Variants in ITFG1 observed in about 807,000 individuals in gnomAD.
ITFG1 encodes integrin alpha FG-GAP repeat containing 1.
ITFG1 carries 34 observed loss-of-function variants against 81.8 expected under a neutral mutation model. The observed-to-expected ratio is 0.42, with a 90% CI of 0.32 to 0.55. The LOEUF (loss-of-function observed/expected upper bound fraction) is 0.55, where lower values mean the gene tolerates loss of function less well. Among genes scored for constraint, ITFG1 ranks in the 20% least tolerant of loss-of-function variants. The pLI, the probability that ITFG1 is intolerant of heterozygous loss-of-function variation, is 0.17. For synonymous variants in ITFG1, 285 were observed against 270.6 expected, an observed-to-expected ratio of 1.05 and a Z score of -0.52; for missense variants, 672 against 755.4, an observed-to-expected ratio of 0.89 and a Z score of 1.29.
At chr16:47,238,250 TA>T in intron 12 of ITFG1, 1 of 316,750 alleles carries the variant, frequency 3.2e-6, no homozygotes, top group African/African-American at 2.2e-5. Context: ...TGAGATAAAT[TA>T]TGATTATATC....
At chr16:47,361,463 A>C (rs1449768206) in intron 8 of ITFG1, among the ~76,000 whole-genome samples, 1 of 152,184 alleles carries the variant, frequency 6.6e-6, no homozygotes, top group East Asian at 1.9e-4. Context: ...AGAATTTGAT[A>C]TTCAGAGCCT....
chr16:47,155,826 GA>G (rs750979958), intron 17 of ITFG1, 48 bp from the exon 18 acceptor site: 4 of 1,322,850 alleles, frequency 3.0e-6, no homozygotes, highest in Non-Finnish European at 4.3e-6. Flanking sequence ...AAGATGTTAT[GA>G]AAAGACTCAT....
chr16:47,372,421 A>T (rs1968268275), intron 7 of ITFG1, among the ~76,000 whole-genome samples: 1 of 151,228 alleles, frequency 6.6e-6, no homozygotes. Flanking sequence ...TCCTGCCCAA[A>T]ATTAGTTACT....
At chr16:47,357,721 G>T (rs1477501183) in intron 8 of ITFG1, among the ~76,000 whole-genome samples, 1 of 151,858 alleles carries the variant, frequency 6.6e-6, no homozygotes, top group Non-Finnish European at 1.5e-5. Flanking sequence ...AGAAAGGCAT[G>T]AATTTATTAT....
At chr16:47,222,762 G>C (rs1175445080) in intron 13 of ITFG1, among the ~76,000 whole-genome samples, 1 of 152,206 alleles carries the variant, frequency 6.6e-6, no homozygotes, top group East Asian at 1.9e-4. Context: ...ACTGTGGTCT[G>C]AGAGATAAGT....
At chr16:47,385,390 G>A (rs1187879863) in intron 6 of ITFG1, among the ~76,000 whole-genome samples, 1 of 152,198 alleles carries the variant, frequency 6.6e-6, no homozygotes, top group African/African-American at 2.4e-5. Flanking sequence ...TACACAATCT[G>A]AAGTTGGTAA....
intron 8 of ITFG1, among the ~76,000 whole-genome samples, chr16:47,343,010 G>A (rs1967804969): frequency 1.3e-5 from 2 of 152,074 alleles, no homozygotes; most frequent in Admixed American, 6.5e-5. Flanking sequence ...AAATTCATGT[G>A]GAATTGCAGG....
chr16:47,304,990 C>T (rs1276290479), intron 10 of ITFG1, among the ~76,000 whole-genome samples: 2 of 152,144 alleles, frequency 1.3e-5, no homozygotes, highest in East Asian at 3.8e-4. Context: ...GATGATTCAA[C>T]AGCTAAAAAG....
At chr16:47,267,156 G>C (rs902230050) in intron 10 of ITFG1, among the ~76,000 whole-genome samples, 77 of 152,254 alleles carry the variant, frequency 5.1e-4, no homozygotes, top group African/African-American at 1.8e-3. Flanking sequence ...CCATTGAACT[G>C]TATACTTTAA....
chr16:47,224,895 A>G (rs1965739570), intron 13 of ITFG1, among the ~76,000 whole-genome samples: 1 of 152,156 alleles, frequency 6.6e-6, no homozygotes, highest in South Asian at 2.1e-4. Context: ...GCTACTCAGG[A>G]GGCTGAGGTG....
chr16:47,326,397 C>T (rs990768420), intron 8 of ITFG1, among the ~76,000 whole-genome samples: 3 of 152,134 alleles, frequency 2.0e-5, no homozygotes, highest in Non-Finnish European at 4.4e-5. Flanking sequence ...GGAAGCATTC[C>T]CTTTGAAAAC....
At chr16:47,272,763 T>C (rs899906995) in intron 10 of ITFG1, among the ~76,000 whole-genome samples, 1 of 151,990 alleles carries the variant, frequency 6.6e-6, no homozygotes, top group Non-Finnish European at 1.5e-5. Flanking sequence ...GTGTGAATTA[T>C]ATCTCAACAA....
chr16:47,345,806 A>T (rs1244777052), intron 8 of ITFG1, among the ~76,000 whole-genome samples: 3 of 152,200 alleles, frequency 2.0e-5, no homozygotes, highest in Non-Finnish European at 4.4e-5. Context: ...TGGGACTACC[A>T]TTGTATATGC....
chr16:47,276,466 T>C (rs1966400408), intron 10 of ITFG1, among the ~76,000 whole-genome samples: 1 of 152,146 alleles, frequency 6.6e-6, no homozygotes, highest in Non-Finnish European at 1.5e-5. Context: ...TTAAATAAAA[T>C]GTAATCAAAT....
At chr16:47,304,393 G>C (rs1029307011) in intron 10 of ITFG1, among the ~76,000 whole-genome samples, 3 of 152,200 alleles carry the variant, frequency 2.0e-5, no homozygotes, top group South Asian at 2.1e-4. Context: ...AAAGGAAACA[G>C]AAGTATAAGT....
chr16:47,244,655 A>G (rs922033901), intron 12 of ITFG1, among the ~76,000 whole-genome samples: 2 of 118,970 alleles, frequency 1.7e-5, no homozygotes, highest in Non-Finnish European at 3.5e-5. Flanking sequence ...GTGTGTATTT[A>G]CCCCTCTGTA....
chr16:47,331,883 C>G (rs1381988923), intron 8 of ITFG1, among the ~76,000 whole-genome samples: 1 of 152,142 alleles, frequency 6.6e-6, no homozygotes, highest in Non-Finnish European at 1.5e-5. Context: ...CCCTTCAAAG[C>G]TGTAATTATA....
chr16:47,317,973 C>T (rs1435912552), intron 8 of ITFG1, among the ~76,000 whole-genome samples: 1 of 152,044 alleles, frequency 6.6e-6, no homozygotes, highest in Non-Finnish European at 1.5e-5. Context: ...AAACTTTTTT[C>T]TGTGAATGTC....
intron 14 of ITFG1, among the ~76,000 whole-genome samples, chr16:47,189,934 T>C (rs962473748): frequency 2.0e-5 from 3 of 152,176 alleles, no homozygotes; most frequent in African/African-American, 4.8e-5. Context: ...TTAGGTGTTA[T>C]TGCTTGTGGA....
Sources: gnomAD v4.1 joint callset for allele counts (sites outside exome capture counted in the v4.1 genomes callset) on GRCh38, gnomAD v4.1.1 for gene constraint, MANE v1.5 for transcripts, NCBI Gene and HGNC (gene_info 2026-07-23, HGNC 2026-07-21) for gene names.